TTLL11: variants seen among roughly 807,000 people sequenced by gnomAD.
TTLL11 encodes tubulin polyglutamylase TTLL11.
In TTLL11, 42 loss-of-function variants were observed where a neutral mutation model predicts 51.7. The observed-to-expected ratio is 0.81, with a 90% CI of 0.64 to 1.05. TTLL11 has a LOEUF of 1.05. TTLL11 is among the 50% of genes least tolerant of loss of function. The probability of loss-of-function intolerance (pLI) is 0.00; values close to 1 mark genes in which losing one functional copy is unlikely to be tolerated. For missense variants in TTLL11, 799 were observed against 940.4 expected, an observed-to-expected ratio of 0.85 and a Z score of 1.97; for synonymous variants, 381 against 383.5, an observed-to-expected ratio of 0.99 and a Z score of 0.08.
intron 6 of TTLL11, among the ~76,000 whole-genome samples, chr9:121,937,261 G>C (rs1477006666): frequency 1.3e-5 from 2 of 152,168 alleles, no homozygotes; most frequent in South Asian, 4.1e-4. Context: ...CTTTGTGCCA[G>C]ATACTGTGCT....
intron 6 of TTLL11, among the ~76,000 whole-genome samples, chr9:121,898,901 C>G (rs981864769): frequency 1.3e-5 from 2 of 152,216 alleles, no homozygotes; most frequent in African/African-American, 4.8e-5. Flanking sequence ...GAGCCATAAG[C>G]ACCCTCTCCT....
intron 3 of TTLL11, among the ~76,000 whole-genome samples, chr9:122,004,407 T>C (rs1417640378): frequency 6.6e-6 from 1 of 151,800 alleles, no homozygotes. Flanking sequence ...TGGAGTGCAA[T>C]GGTGCGATCT....
intron 6 of TTLL11, among the ~76,000 whole-genome samples, chr9:121,940,796 T>A (rs1841429578): frequency 6.6e-6 from 1 of 152,242 alleles, no homozygotes; most frequent in African/African-American, 2.4e-5. Context: ...GCTGATCTCC[T>A]CTTTTTCTAT....
intron 8 of TTLL11, among the ~76,000 whole-genome samples, chr9:121,837,703 C>T (rs1319956017): frequency 6.6e-6 from 1 of 152,162 alleles, no homozygotes; most frequent in Non-Finnish European, 1.5e-5. Flanking sequence ...CCTTCTCAGC[C>T]AGACTGCCCT....
chr9:121,897,124 G>C (rs1588107272), intron 6 of TTLL11, among the ~76,000 whole-genome samples: 1 of 152,138 alleles, frequency 6.6e-6, no homozygotes, highest in African/African-American at 2.4e-5. Context: ...ATCAAAAGGG[G>C]GACCTTTGTG....
intron 4 of TTLL11, among the ~76,000 whole-genome samples, chr9:121,977,863 CG>C (rs1156525083): frequency 4.0e-5 from 6 of 151,898 alleles, no homozygotes; most frequent in Admixed American, 3.9e-4. Flanking sequence ...TTAGTAGAGA[CG>C]GGGTTTCACC....
At chr9:121,921,298 A>G (rs1000180190) in intron 6 of TTLL11, among the ~76,000 whole-genome samples, 29 of 152,218 alleles carry the variant, frequency 1.9e-4, no homozygotes, top group African/African-American at 6.5e-4. Flanking sequence ...AGAAGTATTC[A>G]TATCACAAGG....
intron 4 of TTLL11, among the ~76,000 whole-genome samples, chr9:121,975,834 T>G (rs1308263879): frequency 1.2e-4 from 18 of 152,186 alleles, no homozygotes; most frequent in Admixed American, 1.2e-3. Context: ...AGATACACCC[T>G]CTTAGTTAAG....
At chr9:122,031,611 C>A (rs1488463833) in intron 3 of TTLL11, 112 bp downstream of exon 3, 1 of 1,332,540 alleles carries the variant, frequency 7.5e-7, no homozygotes, top group Non-Finnish European at 1.0e-6. Context: ...TAAGATGCTC[C>A]CTTAGTCGCA....
chr9:122,012,102 A>C (rs1256069318), intron 3 of TTLL11, among the ~76,000 whole-genome samples: 1 of 152,224 alleles, frequency 6.6e-6, no homozygotes, highest in Admixed American at 6.5e-5. Flanking sequence ...AAGTTGAACA[A>C]GAAACAGAAT....
At chr9:121,976,953 T>A (rs779818523) in intron 4 of TTLL11, among the ~76,000 whole-genome samples, 2 of 152,234 alleles carry the variant, frequency 1.3e-5, no homozygotes, top group Non-Finnish European at 2.9e-5. Flanking sequence ...AGACATGTGA[T>A]GTTGATGAGG....
intron 3 of TTLL11, among the ~76,000 whole-genome samples, chr9:122,010,856 A>G (rs1031394476): frequency 1.3e-5 from 2 of 152,224 alleles, no homozygotes; most frequent in African/African-American, 4.8e-5. Flanking sequence ...CTGATAGGTC[A>G]TGATTCAAAG....
intron 6 of TTLL11, among the ~76,000 whole-genome samples, chr9:121,972,829 C>T (rs1842610726): frequency 6.6e-6 from 1 of 152,324 alleles, no homozygotes; most frequent in African/African-American, 2.4e-5. Context: ...TGCAGCCAAG[C>T]GTAAGAAGCA....
intron 4 of TTLL11, chr9:121,988,846 G>T: frequency 2.5e-6 from 1 of 406,936 alleles, no homozygotes; most frequent in Non-Finnish European, 4.3e-6. Flanking sequence ...TAAGCATGTG[G>T]CAAAGGTTGT....
intron 6 of TTLL11, among the ~76,000 whole-genome samples, chr9:121,973,428 G>T (rs1164258815): frequency 6.6e-6 from 1 of 152,196 alleles, no homozygotes; most frequent in Non-Finnish European, 1.5e-5. Flanking sequence ...GGATTTCAAA[G>T]AGAAGCACTA....
chr9:121,938,824 T>C (rs2416841), intron 6 of TTLL11, among the ~76,000 whole-genome samples: 33,575 of 152,202 alleles, frequency 0.22, 4,460 homozygotes, highest in Middle Eastern at 0.32. Context: ...AAGTTGGCAA[T>C]GGAAATGCTC....
intron 6 of TTLL11, among the ~76,000 whole-genome samples, chr9:121,907,394 G>A (rs1386393473): frequency 6.6e-6 from 1 of 151,068 alleles, no homozygotes; most frequent in African/African-American, 2.4e-5. Context: ...AGGTTGCAGT[G>A]AGCTGAAATC....
chr9:122,006,996 A>AC (rs1474369445), intron 3 of TTLL11, among the ~76,000 whole-genome samples: 4 of 149,734 alleles, frequency 2.7e-5, no homozygotes, highest in African/African-American at 1.0e-4. Context: ...AAAAAAAAAA[A>AC]AAAAAAAAAA....
At chr9:121,860,502 T>G in intron 7 of TTLL11, 59 bp from the exon 8 acceptor site, 2 of 1,341,224 alleles carry the variant, frequency 1.5e-6, no homozygotes, top group Non-Finnish European at 2.1e-6. Context: ...TGTCTATCTC[T>G]CCTCCACTCC....
Sources: gnomAD v4.1 joint callset for allele counts (sites outside exome capture counted in the v4.1 genomes callset) on GRCh38, gnomAD v4.1.1 for gene constraint, MANE v1.5 for transcripts, NCBI Gene and HGNC (gene_info 2026-07-23, HGNC 2026-07-21) for gene names.